NAV3: variants seen among roughly 807,000 people sequenced by gnomAD.
NAV3 encodes the protein neuron navigator 3, also known as pore membrane and/or filament interacting like protein 1.
A neutral mutation model predicts 244.7 loss-of-function variants in NAV3; 87 were observed. The ratio of observed to expected loss-of-function variants is 0.36; its 90% CI spans 0.30 to 0.42. NAV3 has a LOEUF of 0.42. NAV3 is among the 20% of genes least tolerant of loss of function. The probability of loss-of-function intolerance (pLI) is 1.00; values close to 1 mark genes in which losing one functional copy is unlikely to be tolerated. For missense variants in NAV3, 2,663 were observed against 2,893.3 expected, an observed-to-expected ratio of 0.92 and a Z score of 1.83; for synonymous variants, 1,126 against 1,042.2, an observed-to-expected ratio of 1.08 and a Z score of -1.55.
intron 1 of NAV3, among the ~76,000 whole-genome samples, chr12:77,879,427 G>T (rs1380322561): frequency 2.0e-5 from 3 of 152,040 alleles, no homozygotes; most frequent in Non-Finnish European, 2.9e-5. Flanking sequence ...TAAGACTTTG[G>T]GAGGTCCAGG....
chr12:77,771,822 T>C (rs566398846), intron 2 of NAV3, among the ~76,000 whole-genome samples: 1 of 152,036 alleles, frequency 6.6e-6, no homozygotes, highest in South Asian at 2.1e-4. Context: ...AAATGACAAG[T>C]TAATGGGTGC....
intron 1 of NAV3, among the ~76,000 whole-genome samples, chr12:77,897,651 C>T (rs1448360794): frequency 6.6e-6 from 1 of 151,240 alleles, no homozygotes; most frequent in Non-Finnish European, 1.5e-5. Context: ...TGAGTTGTAC[C>T]TATAGTCTCT....
At chr12:78,018,032 C>A (rs937617614) in intron 8 of NAV3, among the ~76,000 whole-genome samples, 6 of 152,104 alleles carry the variant, frequency 3.9e-5, no homozygotes. Context: ...ACTTCTAAGT[C>A]CTTTTTACAG....
chr12:77,705,098 T>C (rs1442546509), intron 2 of NAV3, among the ~76,000 whole-genome samples: 1 of 152,162 alleles, frequency 6.6e-6, no homozygotes, highest in Non-Finnish European at 1.5e-5. Context: ...CAAGACCCTC[T>C]TTTAAGAGTA....
intron 13 of NAV3, 142 bp from the exon 14 acceptor site, chr12:78,117,884 TA>T: frequency 1.2e-6 from 1 of 840,900 alleles, no homozygotes; most frequent in Non-Finnish European, 1.7e-6. Flanking sequence ...ATTATGTGGC[TA>T]AAATTAATAA....
intron 20 of NAV3, chr12:78,144,963 A>AAAC (rs1315016055): frequency 1.1e-5 from 2 of 189,708 alleles, no homozygotes; most frequent in African/African-American, 4.8e-5. Context: ...AAAGAAAGAA[A>AAAC]AACAACAACA....
chr12:77,636,129 A>G (rs925707155), intron 2 of NAV3, among the ~76,000 whole-genome samples: 5 of 152,194 alleles, frequency 3.3e-5, no homozygotes, highest in African/African-American at 4.8e-5. Context: ...CAAAACCACA[A>G]TGAGATACCA....
At chr12:77,775,153 A>C (rs1302579090) in intron 2 of NAV3, among the ~76,000 whole-genome samples, 1 of 151,986 alleles carries the variant, frequency 6.6e-6, no homozygotes. Flanking sequence ...GCACTTTCGG[A>C]GGCCAAAGTG....
chr12:77,604,662 G>A (rs1870590409), intron 2 of NAV3, among the ~76,000 whole-genome samples: 1 of 151,750 alleles, frequency 6.6e-6, no homozygotes, highest in Admixed American at 6.6e-5. Context: ...TTTTTGTGAT[G>A]ACTTTCCTTC....
chr12:77,712,830 C>T (rs555792351), intron 2 of NAV3, among the ~76,000 whole-genome samples: 1 of 152,280 alleles, frequency 6.6e-6, no homozygotes, highest in South Asian at 2.1e-4. Context: ...CTCTTATTGA[C>T]ATATAGGCGA....
At chr12:78,101,381 A>G (rs1362705215) in intron 12 of NAV3, among the ~76,000 whole-genome samples, 2 of 152,224 alleles carry the variant, frequency 1.3e-5, no homozygotes, top group East Asian at 1.9e-4. Context: ...CAGTTATTCA[A>G]GCTCCACAAG....
intron 1 of NAV3, among the ~76,000 whole-genome samples, chr12:77,837,687 C>A (rs1229014712): frequency 2.0e-5 from 3 of 152,092 alleles, no homozygotes; most frequent in African/African-American, 7.2e-5. Flanking sequence ...ATACTTCTTT[C>A]GGGGTTAGGG....
intron 1 of NAV3, among the ~76,000 whole-genome samples, chr12:77,895,362 TGGA>T (rs1206308880): frequency 1.4e-5 from 2 of 147,558 alleles, no homozygotes; most frequent in Admixed American, 1.3e-4. Flanking sequence ...AGGAGGAAGG[TGGA>T]GAATAGCAGA....
chr12:77,831,240 A>G lies in NAV3; in HGVS notation c.-222A>G. The G allele has an allele frequency of 2.3e-6, 1 of 441,168 alleles. No homozygotes were observed. The highest frequency in any genetic ancestry group is 4.1e-6 in the Non-Finnish European group (1 of 245,292). The allele number at this position is 441,168 out of a possible 1,614,324, so 27.3% of individuals were successfully genotyped here. ...GAGAAAGAGAGAGAGAGAGAGAATG[A>G]GAATGAATATGAATCCCAGCCAGCA... On this transcript the variant is annotated 5_prime_UTR_variant, in exon 1 of 40. Coordinates refer to ENST00000397909, the MANE Select transcript of NAV3 (RefSeq NM_001024383.2).
chr12:77,773,067 T>C (rs1870174505), intron 2 of NAV3, among the ~76,000 whole-genome samples: 1 of 152,204 alleles, frequency 6.6e-6, no homozygotes, highest in Admixed American at 6.6e-5. Context: ...ATGGGTGCTC[T>C]CATTGACTAC....
At chr12:77,976,353 A>G (rs962803429) in intron 5 of NAV3, among the ~76,000 whole-genome samples, 3 of 152,168 alleles carry the variant, frequency 2.0e-5, no homozygotes, top group Non-Finnish European at 2.9e-5. Context: ...TAAGTCACCA[A>G]AATCTGTACA....
chr12:77,948,582 T>C lies in NAV3; in HGVS notation c.414+7449T>C, dbSNP rs931554355. On this transcript the variant is annotated intron_variant, in intron 3 of 39. Coordinates refer to ENST00000397909, the MANE Select transcript of NAV3 (RefSeq NM_001024383.2). Reference sequence around the variant, plus strand: ...GTAAACACAAAATACAATCATTGTATTTGAAGACATATTTCGTAAGAATCC... The same window carrying C: ...GTAAACACAAAATACAATCATTGTACTTGAAGACATATTTCGTAAGAATCC... Among the ~76,000 whole-genome samples the C allele has an allele frequency of 2.6e-5, 4 of 151,868 alleles. No individual in the cohort carries two copies. In the South Asian group the frequency reaches 8.3e-4, roughly 31 times the overall value.
chr12:77,627,954 A>G (rs1263572313), intron 2 of NAV3, among the ~76,000 whole-genome samples: 2 of 152,194 alleles, frequency 1.3e-5, no homozygotes, highest in Non-Finnish European at 2.9e-5. Context: ...CATATGAAGG[A>G]GCTTAGAAAG....
intron 9 of NAV3, among the ~76,000 whole-genome samples, chr12:78,044,105 G>A (rs545407240): frequency 6.6e-6 from 1 of 152,146 alleles, no homozygotes; most frequent in South Asian, 2.1e-4. Context: ...GTTAATTTTT[G>A]TGTAAAGTGT....
Sources: gnomAD v4.1 joint callset for allele counts (sites outside exome capture counted in the v4.1 genomes callset) on GRCh38, gnomAD v4.1.1 for gene constraint, MANE v1.5 for transcripts, NCBI Gene and HGNC (gene_info 2026-07-23, HGNC 2026-07-21) for gene names.